The following TRPM3 variants were observed in gnomAD, a reference collection of about 807,000 sequenced individuals.
TRPM3 encodes the protein long transient receptor potential channel 3.
In TRPM3, 77 loss-of-function variants were observed where a neutral mutation model predicts 181.2. The ratio of observed to expected loss-of-function variants is 0.42; its 90% CI spans 0.35 to 0.51. The LOEUF (loss-of-function observed/expected upper bound fraction) is 0.51. TRPM3 is among the 20% of genes least tolerant of loss of function. The pLI, the probability that TRPM3 is intolerant of heterozygous loss-of-function variation, is 0.01. For missense variants in TRPM3, 1,759 were observed against 2,196.7 expected, an observed-to-expected ratio of 0.80 and a Z score of 3.98; for synonymous variants, 745 against 796.4, an observed-to-expected ratio of 0.94 and a Z score of 1.09.
At chr9:71,388,054 T>A (rs1433147683) in intron 1 of TRPM3, among the ~76,000 whole-genome samples, 2 of 152,186 alleles carry the variant, frequency 1.3e-5, no homozygotes, top group African/African-American at 4.8e-5. Flanking sequence ...ATAACCACAG[T>A]AATCAAAGAC....
chr9:71,391,659 C>A (rs1348673529), intron 1 of TRPM3, among the ~76,000 whole-genome samples: 1 of 151,870 alleles, frequency 6.6e-6, no homozygotes, highest in Non-Finnish European at 1.5e-5. Flanking sequence ...TATAAATTTG[C>A]AAGGTAAAAA....
intron 1 of TRPM3, among the ~76,000 whole-genome samples, chr9:71,034,462 G>A (rs1353741957): frequency 6.6e-6 from 1 of 152,110 alleles, no homozygotes; most frequent in Admixed American, 6.5e-5. Flanking sequence ...TACTGGGTTT[G>A]GGGTCACTTC....
intron 1 of TRPM3, among the ~76,000 whole-genome samples, chr9:71,187,972 G>A (rs996904592): frequency 4.0e-5 from 6 of 151,664 alleles, no homozygotes; most frequent in Non-Finnish European, 8.8e-5. Context: ...TTTTAAAAAA[G>A]TTAACCAGTA....
chr9:70,640,758 C>T, intron 9 of TRPM3, 98 bp from the exon 10 acceptor site: 7 of 877,834 alleles, frequency 8.0e-6, no homozygotes, highest in South Asian at 7.8e-5. Flanking sequence ...CATTAATGCC[C>T]CTATTCCCAA....
Position 71,293,246 on chromosome 9 carries a change from G to A in TRPM3, c.183+153407C>T, listed in dbSNP as rs1245562475. On this transcript the variant is annotated intron_variant, in intron 1 of 24. Coordinates refer to the TRPM3 transcript ENST00000357533. ...CCCTTTGAAATGACACACAGAAAAT[G>A]CCCACTATCACTTCCTTACAACATT... 4.6e-5 allele frequency among the ~76,000 whole-genome samples: 7 copies of A among 151,674 alleles called. No homozygotes were observed. The East Asian group carries it at 1.4e-3, about 29-fold the overall frequency.
intron 1 of TRPM3, among the ~76,000 whole-genome samples, chr9:71,079,019 A>ATT (rs5898176): frequency 6.7e-5 from 10 of 150,240 alleles, no homozygotes; most frequent in South Asian, 4.2e-4. Context: ...AATGAGCACT[A>ATT]TTTTTTTTTT....
chr9:71,057,463 C>T (rs483291), intron 1 of TRPM3, among the ~76,000 whole-genome samples: 151,831 of 152,172 alleles, frequency 1, 75,745 homozygotes, highest in Middle Eastern at 1. Flanking sequence ...TATTCCTTGA[C>T]GCTAGGTCTC....
chr9:70,646,171 C>T (rs977626742), intron 9 of TRPM3, among the ~76,000 whole-genome samples: 4 of 152,194 alleles, frequency 2.6e-5, no homozygotes, highest in Non-Finnish European at 4.4e-5. Flanking sequence ...TGTGGCGATT[C>T]CTCAAGGATC....
intron 1 of TRPM3, among the ~76,000 whole-genome samples, chr9:70,895,522 T>A (rs991581408): frequency 2.0e-5 from 3 of 152,204 alleles, no homozygotes; most frequent in Non-Finnish European, 4.4e-5. Flanking sequence ...TAACCTATGA[T>A]AACTCCCATA....
chr9:70,927,417 A>C (rs2096731501), intron 1 of TRPM3, among the ~76,000 whole-genome samples: 1 of 152,226 alleles, frequency 6.6e-6, no homozygotes, highest in Non-Finnish European at 1.5e-5. Flanking sequence ...ATTTCAGGAA[A>C]TTCACAGCAT....
At chr9:71,008,412 G>A (rs1381056928) in intron 1 of TRPM3, among the ~76,000 whole-genome samples, 2 of 152,030 alleles carry the variant, frequency 1.3e-5, no homozygotes, top group African/African-American at 4.8e-5. Flanking sequence ...GTCATTCTAT[G>A]AGGTCAGCAT....
At chr9:71,080,645 C>T (rs1424339403) in intron 1 of TRPM3, among the ~76,000 whole-genome samples, 1 of 152,164 alleles carries the variant, frequency 6.6e-6, no homozygotes, top group Admixed American at 6.5e-5. Context: ...CCAACTCCAA[C>T]TCTACCCAGC....
chr9:70,823,940 C>A (rs1022330011), intron 6 of TRPM3, among the ~76,000 whole-genome samples: 1 of 152,132 alleles, frequency 6.6e-6, no homozygotes, highest in Non-Finnish European at 1.5e-5. Context: ...TGTTTCAGTC[C>A]TGACTGTTGG....
In TRPM3 at chr9:71,414,719, T is replaced by C. The variant is rs527751071; in HGVS notation, c.183+31934A>G. Among the ~76,000 whole-genome samples the C allele has an allele frequency of 2.0e-5, 3 of 152,062 alleles. No homozygotes were observed. The South Asian group carries it at 6.2e-4, about 31-fold the overall frequency. ...ACTGGAGAGGCATGATACTAACTCA[T>C]GAAGCAGAGAAATCCCAAGATTCGT... On this transcript the variant is annotated intron_variant, in intron 1 of 24. Coordinates refer to the TRPM3 transcript ENST00000357533.
chr9:71,357,846 T>A (rs903431099), intron 1 of TRPM3, among the ~76,000 whole-genome samples: 6 of 152,066 alleles, frequency 3.9e-5, no homozygotes, highest in African/African-American at 1.4e-4. Context: ...TTCCTATGAA[T>A]CTGTTATGAA....
chr9:70,575,755 C>T (rs7847339), intron 22 of TRPM3, among the ~76,000 whole-genome samples: 1,763 of 152,250 alleles, frequency 0.012, 34 homozygotes, highest in African/African-American at 0.04. Context: ...TGCCCAAGGT[C>T]GCAGGGTTAG....
intron 24 of TRPM3, 124 bp from the exon 25 acceptor site, chr9:70,549,798 A>G (rs561911178): frequency 4.1e-5 from 39 of 959,492 alleles, no homozygotes; most frequent in Middle Eastern, 4.5e-4. Flanking sequence ...ATTCCTTGTT[A>G]AGTCTCAAAT....
chr9:70,939,573 T>C (rs1275093341), intron 1 of TRPM3, among the ~76,000 whole-genome samples: 1 of 152,196 alleles, frequency 6.6e-6, no homozygotes, highest in Admixed American at 6.5e-5. Flanking sequence ...AGTAATCAGA[T>C]GTGCCCACAA....
chr9:70,961,253 G>A (rs1191322694), intron 1 of TRPM3, among the ~76,000 whole-genome samples: 1 of 152,106 alleles, frequency 6.6e-6, no homozygotes, highest in African/African-American at 2.4e-5. Context: ...AGCTGGAAAG[G>A]CAGGAAACAG....
Sources: allele counts gnomAD v4.1 joint callset (sites outside exome capture counted in the v4.1 genomes callset), GRCh38; gene constraint gnomAD v4.1.1; transcripts MANE v1.5; gene names NCBI Gene and HGNC (gene_info 2026-07-23, HGNC 2026-07-21).